Variants in MIB1 observed in about 807,000 individuals in gnomAD.
MIB1 encodes E3 ubiquitin-protein ligase MIB1.
A neutral mutation model predicts 124.5 loss-of-function variants in MIB1; 278 were observed. The observed-to-expected ratio is 2.23, with a 90% confidence interval of 2.02 to 2.47. The LOEUF (loss-of-function observed/expected upper bound fraction) is 2.47. Ranked by LOEUF, MIB1 falls within the 30% of genes most tolerant of loss-of-function variation. MIB1 has a pLI of 0.00. For missense variants in MIB1, 957 were observed against 1,254.4 expected, an observed-to-expected ratio of 0.76 and a Z score of 3.58; for synonymous variants, 446 against 429.4, an observed-to-expected ratio of 1.04 and a Z score of -0.48.
chr18:21,797,989 A>G, intron 7 of MIB1, 95 bp from the exon 8 acceptor site: 1 of 1,211,696 alleles, frequency 8.3e-7, no homozygotes, highest in Non-Finnish European at 1.2e-6. Context: ...CATTAGTAAT[A>G]AGTAAAATCA....
chr18:21,747,963 G>T (rs1377927316), intron 1 of MIB1, among the ~76,000 whole-genome samples: 1 of 152,200 alleles, frequency 6.6e-6, no homozygotes, highest in Non-Finnish European at 1.5e-5. Flanking sequence ...GCAGAACCAT[G>T]TCTCTGGATG....
At chr18:21,743,283 C>A (rs2146376177) in intron 1 of MIB1, among the ~76,000 whole-genome samples, 1 of 152,180 alleles carries the variant, frequency 6.6e-6, no homozygotes, top group East Asian at 1.9e-4. Context: ...AAACTATATT[C>A]ACTCCTCTGC....
rs753884395 is a variant in MIB1, at chr18:21,870,367, A to T, written c.*5701A>T. 1 of 152,182 alleles carries T rather than the reference A, an allele frequency of 6.6e-6. No homozygotes were observed. 9.4% of individuals were successfully genotyped at this position (152,182 alleles called of 1,614,324 possible). On this transcript the variant is annotated 3_prime_UTR_variant, in exon 21 of 21. Coordinates refer to ENST00000261537, the MANE Select transcript of MIB1 (RefSeq NM_020774.4). ...AAGTGTCCACATCTAGAAGGCTCTC[A>T]TTGCAGTTGTTTACAGTTAAGGTAC...
At chr18:21,848,358 G>T (rs973280339) in intron 16 of MIB1, among the ~76,000 whole-genome samples, 1 of 152,102 alleles carries the variant, frequency 6.6e-6, no homozygotes, top group Non-Finnish European at 1.5e-5. Context: ...TGAGGCAGGA[G>T]AATTGCTTGA....
intron 1 of MIB1, among the ~76,000 whole-genome samples, chr18:21,761,796 C>G (rs923243531): frequency 1.3e-5 from 2 of 152,154 alleles, no homozygotes; most frequent in African/African-American, 4.8e-5. Context: ...TGAGCCAATG[C>G]TGAGAAAACA....
At chr18:21,806,768 C>T (rs540009598) in intron 10 of MIB1, among the ~76,000 whole-genome samples, 18 of 152,038 alleles carry the variant, frequency 1.2e-4, no homozygotes, top group African/African-American at 3.1e-4. Flanking sequence ...GGACTACAGG[C>T]GCACGCCGCC....
At chr18:21,815,012 T>TATAC (rs1491107087) in intron 10 of MIB1, among the ~76,000 whole-genome samples, 5 of 2,676 alleles carry the variant, frequency 1.9e-3, no homozygotes, top group African/African-American at 6.3e-3. Flanking sequence ...CTGTTGGTTT[T>TATAC]ATATATATAT....
At chr18:21,784,873 T>C (rs1402380777) in intron 6 of MIB1, among the ~76,000 whole-genome samples, 4 of 152,096 alleles carry the variant, frequency 2.6e-5, no homozygotes, top group Non-Finnish European at 5.9e-5. Context: ...TTGTGGAAGA[T>C]CTGACATCAG....
chr18:21,739,929 A>T (rs899891578), upstream of MIB1, among the ~76,000 whole-genome samples: 1 of 150,486 alleles, frequency 6.6e-6, no homozygotes, highest in Non-Finnish European at 1.5e-5. Flanking sequence ...AAAGCAAAAA[A>T]AAAAACAACA....
At chr18:21,847,219 C>T in intron 16 of MIB1, 94 bp downstream of exon 16, 1 of 1,066,052 alleles carries the variant, frequency 9.4e-7, no homozygotes, top group Non-Finnish European at 1.3e-6. Context: ...AAAATGTCTT[C>T]ATCTTTGCTC....
intron 18 of MIB1, among the ~76,000 whole-genome samples, chr18:21,854,040 C>T (rs2042204895): frequency 8.3e-6 from 1 of 119,804 alleles, no homozygotes. Flanking sequence ...AAAAAAAATT[C>T]CAATAGGCAG....
chr18:21,739,692 G>C (rs1460427326), upstream of MIB1, among the ~76,000 whole-genome samples: 1 of 151,832 alleles, frequency 6.6e-6, no homozygotes, highest in Non-Finnish European at 1.5e-5. Context: ...GTCCGGCCAG[G>C]GAAAATAGTG....
chr18:21,862,184 A>AC (rs2042282478), intron 20 of MIB1, among the ~76,000 whole-genome samples: 1 of 127,470 alleles, frequency 7.8e-6, no homozygotes, highest in Admixed American at 8.9e-5. Context: ...GGCGTGAGCT[A>AC]CCGCGCCTGG....
chr18:21,755,333 GC>G (rs1330990983), intron 1 of MIB1, among the ~76,000 whole-genome samples: 1 of 144,166 alleles, frequency 6.9e-6, no homozygotes, highest in Non-Finnish European at 1.5e-5. Flanking sequence ...TAAACAACTG[GC>G]TTTTTTTTTT....
Position 21,778,092 on chromosome 18 carries a change from T to G in MIB1, c.637-11T>G, listed in dbSNP as rs1474363864. ...TTCATGGGTGATTTTTCTGGTTTCT[T>G]TTCTTCTTAGTCTGATCTGAAATGT... On this transcript the variant is annotated splice_polypyrimidine_tract_variant and intron_variant, in intron 4 of 20. Coordinates refer to ENST00000261537, the MANE Select transcript of MIB1 (RefSeq NM_020774.4). 5.0e-6 allele frequency: 8 copies of G among 1,606,744 alleles called. No homozygotes were observed. Among genetic ancestry groups the G allele is most frequent in the Non-Finnish European group, 6.0e-6 (7 of 1,173,876 alleles).
chr18:21,741,819 C>G lies in MIB1; in HGVS notation c.229+7C>G, dbSNP rs1453406629. 5 of 1,587,808 alleles carry G rather than the reference C, an allele frequency of 3.1e-6. No homozygotes were observed. The Admixed American group carries it at 5.3e-5, about 17-fold the overall frequency. ...CTGGACAGCGCGCCCACCGGTAAGC[C>G]GCGGCCACCTGGCCAGGGCTTGCGC... is the stretch of plus-strand genomic sequence containing the variant. On this transcript the variant is annotated splice_region_variant and intron_variant, in intron 1 of 20. Transcript: ENST00000261537. The surrounding 1 kb of genome is among the most constrained non-coding windows in gnomAD (Gnocchi z 5.4).
At chr18:21,815,536 T>C in intron 10 of MIB1, 80 bp from the exon 11 acceptor site, 2 of 1,246,932 alleles carry the variant, frequency 1.6e-6, no homozygotes, top group South Asian at 2.8e-5. Context: ...ATTAATCTGC[T>C]TCTTGGTATA....
intron 10 of MIB1, among the ~76,000 whole-genome samples, chr18:21,809,377 TAGAG>T (rs1265444231): frequency 6.6e-6 from 1 of 151,940 alleles, no homozygotes; most frequent in African/African-American, 2.4e-5. Context: ...TCCAACAAAT[TAGAG>T]AGGAGGGAAG....
intron 20 of MIB1, among the ~76,000 whole-genome samples, chr18:21,862,325 A>C (rs773504463): frequency 1.4e-4 from 21 of 152,302 alleles, no homozygotes; most frequent in Middle Eastern, 3.4e-3. Flanking sequence ...TTTTACAATG[A>C]TCTCTGGTAT....
Sources: gnomAD v4.1 joint callset for allele counts (sites outside exome capture counted in the v4.1 genomes callset) on GRCh38, gnomAD v4.1.1 for gene constraint, Gnocchi (gnomAD v3.1) non-coding constraint, MANE v1.5 for transcripts, NCBI Gene and HGNC (gene_info 2026-07-23, HGNC 2026-07-21) for gene names.